SIDT1: variants seen among roughly 807,000 people sequenced by gnomAD.
The protein encoded by SIDT1 is SID1 transmembrane family member 1.
In SIDT1, 101 loss-of-function variants were observed where a neutral mutation model predicts 107.5. The observed-to-expected ratio is 0.94, with a 90% CI of 0.80 to 1.11. The LOEUF (loss-of-function observed/expected upper bound fraction) is 1.11, where lower values mean the gene tolerates loss of function less well. Among genes scored for constraint, SIDT1 ranks in the 50% least tolerant of loss-of-function variants. SIDT1 has a pLI of 0.00. For synonymous variants in SIDT1, 395 were observed against 398.2 expected (o/e 0.99, Z 0.10); for missense variants, 1,076 against 1,058.2 (o/e 1.02, Z -0.23).
chr3:113,581,504 T>G (rs9863703), intron 6 of SIDT1, 60 bp downstream of exon 6: 365,475 of 1,340,016 alleles, frequency 0.27, 56,862 homozygotes, highest in East Asian at 0.72. Flanking sequence ...ATAGTGTACT[T>G]ACTGGGCCAG....
chr3:113,607,322 T>A (rs1945408482), intron 15 of SIDT1, among the ~76,000 whole-genome samples: 1 of 152,256 alleles, frequency 6.6e-6, no homozygotes, highest in Non-Finnish European at 1.5e-5. Context: ...GCATACTGCC[T>A]GCTGAGATGA....
chr3:113,614,213 ACT>A (rs1019705495), intron 19 of SIDT1, among the ~76,000 whole-genome samples: 1 of 151,758 alleles, frequency 6.6e-6, no homozygotes, highest in African/African-American at 2.4e-5. Context: ...CTCTGAGCTC[ACT>A]CTCCTTCCTT....
intron 1 of SIDT1, among the ~76,000 whole-genome samples, chr3:113,565,643 G>A (rs1576783751): frequency 1.3e-5 from 2 of 152,330 alleles, no homozygotes; most frequent in South Asian, 2.1e-4. Context: ...GGGTTGATAT[G>A]TGTGTATTCA....
At chr3:113,582,914 C>T (rs1943470294) in intron 6 of SIDT1, among the ~76,000 whole-genome samples, 2 of 152,136 alleles carry the variant, frequency 1.3e-5, no homozygotes, top group African/African-American at 4.8e-5. Context: ...AACCGCACTT[C>T]ATTCATGGAT....
At chr3:113,546,773 T>C (rs897248321) in intron 1 of SIDT1, among the ~76,000 whole-genome samples, 3 of 152,222 alleles carry the variant, frequency 2.0e-5, no homozygotes, top group African/African-American at 7.2e-5. Flanking sequence ...TGCTGGAAGA[T>C]ACCAGCATTT....
At chr3:113,534,911 A>C (rs994377796) in intron 1 of SIDT1, among the ~76,000 whole-genome samples, 1 of 152,180 alleles carries the variant, frequency 6.6e-6, no homozygotes, top group African/African-American at 2.4e-5. Context: ...AAACCTTGAG[A>C]TATTGAGGGC....
intron 1 of SIDT1, among the ~76,000 whole-genome samples, chr3:113,540,663 G>A (rs1938717453): frequency 1.3e-5 from 2 of 152,186 alleles, no homozygotes; most frequent in Admixed American, 6.5e-5. Flanking sequence ...TGCAAAACAT[G>A]GGATATTCAA....
intron 1 of SIDT1, among the ~76,000 whole-genome samples, chr3:113,551,820 TA>T (rs1401010374): frequency 7.1e-6 from 1 of 140,076 alleles, no homozygotes; most frequent in Admixed American, 7.0e-5. Context: ...GGTAAAGTTT[TA>T]GGGGTGTGTG....
At chr3:113,579,628 G>C (rs530511207) in intron 4 of SIDT1, among the ~76,000 whole-genome samples, 2 of 152,228 alleles carry the variant, frequency 1.3e-5, no homozygotes, top group Non-Finnish European at 2.9e-5. Context: ...TATTAAAAAG[G>C]ATTCCATTTT....
chr3:113,635,635 G>A, the SIDT1 span, among the ~76,000 whole-genome samples: 4 of 152,182 alleles, frequency 2.6e-5, no homozygotes, highest in Non-Finnish European at 5.9e-5. Flanking sequence ...GGGAGGCTGA[G>A]GCAAGCGGAT....
intron 3 of SIDT1, among the ~76,000 whole-genome samples, chr3:113,573,656 C>T (rs547863482): frequency 1.1e-3 from 163 of 152,026 alleles, no homozygotes; most frequent in Non-Finnish European, 1.8e-3. Flanking sequence ...GAGAGTGGAG[C>T]CCTTGTGAAT....
At chr3:113,615,304 C>A (rs910594934) in intron 19 of SIDT1, among the ~76,000 whole-genome samples, 1 of 152,168 alleles carries the variant, frequency 6.6e-6, no homozygotes, top group Non-Finnish European at 1.5e-5. Flanking sequence ...CCTGGTTAAA[C>A]TGACCACGGG....
intron 10 of SIDT1, among the ~76,000 whole-genome samples, chr3:113,594,404 A>G (rs1463561795): frequency 2.6e-5 from 4 of 152,126 alleles, no homozygotes; most frequent in African/African-American, 7.2e-5. Context: ...TTCCTACAGG[A>G]AAAAAGTTTT....
At chr3:113,603,859 C>A in intron 12 of SIDT1, 101 bp from the exon 13 acceptor site, 1 of 759,242 alleles carries the variant, frequency 1.3e-6, no homozygotes, top group Non-Finnish European at 2.2e-6. Flanking sequence ...ATAATTTTAA[C>A]AATTTTAATT....
intron 6 of SIDT1, 29 bp from the exon 7 acceptor site, chr3:113,583,380 C>CT: frequency 1.3e-6 from 2 of 1,532,122 alleles, no homozygotes; most frequent in Non-Finnish European, 1.8e-6. Context: ...TTCTTACCGC[C>CT]TATCATAAGG....
intron 3 of SIDT1, among the ~76,000 whole-genome samples, chr3:113,570,339 C>G (rs553992031): frequency 3.3e-5 from 5 of 152,340 alleles, no homozygotes; most frequent in South Asian, 2.1e-4. Flanking sequence ...TGCAGAGAAG[C>G]CTTGCCTTTA....
intron 9 of SIDT1, 148 bp downstream of exon 9, chr3:113,585,418 G>A (rs1943672869): frequency 3.1e-6 from 2 of 650,888 alleles, no homozygotes; most frequent in East Asian, 2.6e-5. Context: ...CCTTGGAGAT[G>A]TTGCTCAACT....
chr3:113,581,799 A>T (rs1292309827), intron 6 of SIDT1: 1 of 219,180 alleles, frequency 4.6e-6, no homozygotes, highest in Admixed American at 5.3e-5. Context: ...CTTGAACCCA[A>T]GAGGCAGAGG....
intron 2 of SIDT1, 75 bp downstream of exon 2, chr3:113,566,616 C>T: frequency 1.1e-5 from 16 of 1,508,518 alleles, no homozygotes; most frequent in Non-Finnish European, 1.4e-5. Context: ...TTGGTCTTTT[C>T]CCTATTGAAA....
Sources: allele counts gnomAD v4.1 joint callset (sites outside exome capture counted in the v4.1 genomes callset), GRCh38; gene constraint gnomAD v4.1.1; transcripts MANE v1.5; gene names NCBI Gene and HGNC (gene_info 2026-07-23, HGNC 2026-07-21).